The following THSD7B variants were observed in gnomAD, a reference collection of about 807,000 sequenced individuals.
The protein encoded by THSD7B is thrombospondin type-1 domain-containing protein 7B.
Under a neutral mutation model 213.6 loss-of-function variants are expected in THSD7B, and 138 were observed. The ratio of observed to expected loss-of-function variants is 0.65; its 90% CI spans 0.56 to 0.74. The LOEUF is 0.74. Ranked by LOEUF, THSD7B falls within the 30% of genes least tolerant of loss-of-function variation. The pLI, the probability that THSD7B is intolerant of heterozygous loss-of-function variation, is 0.00. For missense variants in THSD7B, 1,931 were observed against 1,991.5 expected (o/e 0.97, Z 0.58); for synonymous variants, 742 against 687.0 (o/e 1.08, Z -1.25).
chr2:137,423,222 G>T (rs1686966346), intron 14 of THSD7B, among the ~76,000 whole-genome samples: 3 of 151,990 alleles, frequency 2.0e-5, no homozygotes, highest in African/African-American at 7.2e-5. Context: ...ATCTTCCTGA[G>T]ATCAGGGAAA....
At chr2:137,536,430 T>C (rs1440168293) in intron 15 of THSD7B, among the ~76,000 whole-genome samples, 1 of 151,578 alleles carries the variant, frequency 6.6e-6, no homozygotes, top group Non-Finnish European at 1.5e-5. Flanking sequence ...AAAATGGTGT[T>C]GGCCCAGGGT....
chr2:137,642,329 T>C, intron 20 of THSD7B, 159 bp from the exon 21 acceptor site: 1 of 827,464 alleles, frequency 1.2e-6, no homozygotes, highest in East Asian at 2.6e-5. Flanking sequence ...TGTGTCTCTG[T>C]GGAACTCTAA....
At chr2:137,346,478 TTCTCTCTCTCTC>T (rs139028202) in intron 12 of THSD7B, among the ~76,000 whole-genome samples, 23 of 147,554 alleles carry the variant, frequency 1.6e-4, no homozygotes. Context: ...TAATATTCCA[TTCTCTCTCTCTC>T]TCTCTCTCCC....
chr2:136,799,804 C>A (rs1357013431), intron 1 of THSD7B, among the ~76,000 whole-genome samples: 1 of 151,894 alleles, frequency 6.6e-6, no homozygotes, highest in East Asian at 1.9e-4. Flanking sequence ...ATAAATTATT[C>A]TTAAACGCCC....
intron 12 of THSD7B, among the ~76,000 whole-genome samples, chr2:137,292,496 G>A (rs781721705): frequency 1.3e-5 from 2 of 152,062 alleles, no homozygotes; most frequent in Non-Finnish European, 2.9e-5. Context: ...GGAATGACAT[G>A]TATGGCATAA....
chr2:137,543,144 G>A (rs963099607), intron 15 of THSD7B, among the ~76,000 whole-genome samples: 4 of 151,676 alleles, frequency 2.6e-5, no homozygotes, highest in Non-Finnish European at 5.9e-5. Flanking sequence ...TTTCACACCC[G>A]CTTCTCCTGT....
rs1439168996 is a variant in THSD7B at position 137,581,774 on chromosome 2, A to T, written c.3423+9218A>T. Among the ~76,000 whole-genome samples the T allele has an allele frequency of 3.3e-3, 496 of 148,178 alleles. 2 individuals carry two copies. The highest frequency in any genetic ancestry group is 0.012 in the African/African-American group (468 of 40,508). On this transcript the variant is annotated intron_variant, in intron 17 of 27. Transcript: ENST00000409968. ...GACTCCGTCTCAAAAAAAAAAATAAAAAAAAAAAAAATAATAATAAATAAT... is the reference window on the plus strand; with the variant it reads ...GACTCCGTCTCAAAAAAAAAAATAATAAAAAAAAAAATAATAATAAATAAT...
At chr2:137,349,756 T>C (rs895555875) in intron 12 of THSD7B, among the ~76,000 whole-genome samples, 14 of 151,814 alleles carry the variant, frequency 9.2e-5, no homozygotes, top group Admixed American at 6.6e-5. Flanking sequence ...AATGAGCCCA[T>C]AATTTTTCAA....
In THSD7B at chr2:136,786,764, CT is replaced by C. The variant is rs138579219; in HGVS notation, c.-36+21080del. On this transcript the variant is annotated intron_variant, in intron 1 of 27. Transcript: ENST00000409968. ...TGTTTCCCCTTCTGTCAAGAAATTA[CT>C]TTCTTCTGTGTGTAGGCTTGTTTTG... Among the ~76,000 whole-genome samples the C allele has an allele frequency of 2.0e-3, 303 of 152,254 alleles. 6 individuals carry two copies. The East Asian group carries it at 0.037, about 19-fold the overall frequency.
chr2:137,329,165 G>A (rs1684436425), intron 12 of THSD7B, among the ~76,000 whole-genome samples: 1 of 152,162 alleles, frequency 6.6e-6, no homozygotes, highest in Admixed American at 6.5e-5. Flanking sequence ...TTGTTGAATG[G>A]CTTTGACCAA....
intron 2 of THSD7B, among the ~76,000 whole-genome samples, chr2:137,049,183 G>A (rs1158475576): frequency 1.3e-5 from 2 of 152,222 alleles, no homozygotes; most frequent in Non-Finnish European, 2.9e-5. Flanking sequence ...TCGAACCAGG[G>A]CATTGAGCTG....
At chr2:136,833,531 C>T (rs16836874) in intron 1 of THSD7B, among the ~76,000 whole-genome samples, 5,425 of 148,222 alleles carry the variant, frequency 0.037, 185 homozygotes, top group East Asian at 0.17. Flanking sequence ...CTCTGCTGGG[C>T]GAACTATGAA....
rs754883812 is a variant in THSD7B, at chr2:137,360,301, C to T, written c.2501-45312C>T. ...GGTCTGCAGCTCTCAGTGTGATCGA[C>T]GCAGAAGACCGGGGATTTCTGCATT... On this transcript the variant is annotated intron_variant, in intron 12 of 27. Transcript: ENST00000409968. Among the ~76,000 whole-genome samples the T allele has an allele frequency of 7.9e-5, 12 of 152,194 alleles. No individual in the cohort carries two copies. The South Asian group carries it at 1.5e-3, about 18-fold the overall frequency.
chr2:137,199,503 T>A (rs1054796520), intron 7 of THSD7B, among the ~76,000 whole-genome samples: 1 of 152,210 alleles, frequency 6.6e-6, no homozygotes, highest in African/African-American at 2.4e-5. Context: ...ACACTTGTCA[T>A]GTTTTGAAAT....
intron 3 of THSD7B, among the ~76,000 whole-genome samples, chr2:137,070,552 T>A (rs1473574408): frequency 7.5e-6 from 1 of 133,694 alleles, no homozygotes; most frequent in Non-Finnish European, 1.5e-5. Flanking sequence ...AAATTTTTTA[T>A]TTTTTTTTTA....
rs1683249024 is a variant in THSD7B, at chr2:137,656,997, G to A, written c.4279+28G>A. ...ACCAAGAGCACTTTTCAGTTCTTTA[G>A]CCTTCATTGATCAATGCTTATTCTA... On this transcript the variant is annotated intron_variant, in intron 23 of 27. Coordinates refer to ENST00000409968, the MANE Select transcript of THSD7B (RefSeq NM_001316349.2). 2 of 1,613,422 alleles carry A rather than the reference G, an allele frequency of 1.2e-6. 1 individual carries two copies. The highest frequency in any genetic ancestry group is 2.2e-5 in the South Asian group (2 of 91,036).
chr2:137,267,283 A>C (rs1381421332), intron 10 of THSD7B, among the ~76,000 whole-genome samples: 2 of 152,214 alleles, frequency 1.3e-5, no homozygotes, highest in East Asian at 3.9e-4. Flanking sequence ...AGTCATAATC[A>C]TGCTTGAGCA....
chr2:136,916,037 G>A (rs1684342668), intron 2 of THSD7B, among the ~76,000 whole-genome samples: 1 of 152,130 alleles, frequency 6.6e-6, no homozygotes, highest in Non-Finnish European at 1.5e-5. Context: ...TTTCCCTAAC[G>A]ATTGCTTTCT....
At chr2:137,008,992 TTTG>T (rs1354624466) in intron 2 of THSD7B, among the ~76,000 whole-genome samples, 1 of 152,206 alleles carries the variant, frequency 6.6e-6, no homozygotes, top group Non-Finnish European at 1.5e-5. Context: ...GTGGGGCTCT[TTTG>T]TTCTTCTGCA....
Sources: gnomAD v4.1 joint callset for allele counts (sites outside exome capture counted in the v4.1 genomes callset) on GRCh38, gnomAD v4.1.1 for gene constraint, MANE v1.5 for transcripts, NCBI Gene and HGNC (gene_info 2026-07-23, HGNC 2026-07-21) for gene names.